The following ADAMTS7 variants were observed in gnomAD, a reference collection of about 807,000 sequenced individuals.
The protein encoded by ADAMTS7 is A disintegrin and metalloproteinase with thrombospondin motifs 7.
ADAMTS7 carries 89 observed loss-of-function variants against 172.6 expected under a neutral mutation model. That is an observed-to-expected ratio of 0.52 (90% CI 0.43 to 0.61). The LOEUF (loss-of-function observed/expected upper bound fraction) is 0.61, where lower values mean the gene tolerates loss of function less well. ADAMTS7 is among the 20% of genes least tolerant of loss of function. The pLI is 0.00. For missense variants in ADAMTS7, 1,973 were observed against 2,355.6 expected, an observed-to-expected ratio of 0.84 and a Z score of 3.36; for synonymous variants, 885 against 978.4, an observed-to-expected ratio of 0.90 and a Z score of 1.78.
At chr15:78,773,978 A>T (rs2055295737) in intron 13 of ADAMTS7, among the ~76,000 whole-genome samples, 189 bp downstream of exon 13, 1 of 152,164 alleles carries the variant, frequency 6.6e-6, no homozygotes, top group Non-Finnish European at 1.5e-5. Context: ...CATAGAGGGT[A>T]CGGGCTGGGA....
intron 2 of ADAMTS7, among the ~76,000 whole-genome samples, chr15:78,798,473 C>T (rs1404930151): frequency 6.6e-6 from 1 of 152,228 alleles, no homozygotes; most frequent in African/African-American, 2.4e-5. Context: ...GCAGCTTGTG[C>T]CCAGGCCTCC....
Position 78,811,190 on chromosome 15 carries a change from C to G in ADAMTS7, c.31G>C (p.Ala11Pro). 1 of 1,229,342 alleles carries G rather than the reference C, an allele frequency of 8.1e-7. No individual in the cohort carries two copies. The highest frequency in any genetic ancestry group is 1.0e-6 in the Non-Finnish European group (1 of 986,372). 76.2% of individuals were successfully genotyped at this position (1,229,342 alleles called of 1,614,324 possible). A position where few individuals can be genotyped will look rare whatever the true frequency, so the allele number is the denominator to read the frequency against. Residue 11 changes from alanine (A) to proline (P), a missense_variant, in exon 1 of 24, where the codon GCG becomes CCG. Physicochemically the swap from Ala to Pro is conservative, Grantham distance 27. This residue lies in a region of ADAMTS7 where 306 missense variants were observed against 288.0 expected (regional missense o/e 1.06). Coordinates refer to ENST00000388820, the MANE Select transcript of ADAMTS7 (RefSeq NM_014272.5). ...AGGAGGAGGGGGCGCAGCAAAGGCG[C>G]GGGGCTGCGGGGACTGGGGCCGCCG... MPGGPSPRSP[A>P]PLLRPLLLLL...
chr15:78,784,477 A>C (rs1394410113), intron 8 of ADAMTS7, among the ~76,000 whole-genome samples: 4 of 152,244 alleles, frequency 2.6e-5, no homozygotes, highest in East Asian at 3.9e-4. Flanking sequence ...AAATTGTAAA[A>C]TGTTTAAAAA....
At chr15:78,759,635 G>A (rs1413098516) in intron 23 of ADAMTS7, 57 bp from the exon 24 acceptor site, 2 of 1,479,628 alleles carry the variant, frequency 1.4e-6, no homozygotes, top group Admixed American at 2.2e-5. Context: ...CCCAGAACCT[G>A]GCTCCCTACG....
chr15:78,801,776 C>G (rs914802212), intron 1 of ADAMTS7, among the ~76,000 whole-genome samples: 1 of 152,096 alleles, frequency 6.6e-6, no homozygotes, highest in Non-Finnish European at 1.5e-5. Flanking sequence ...CTCCTGAGCT[C>G]GAGCCATCCT....
intron 16 of ADAMTS7, among the ~76,000 whole-genome samples, chr15:78,770,196 A>AAATAT (rs2055224401): frequency 6.6e-6 from 1 of 151,626 alleles, no homozygotes; most frequent in Admixed American, 6.6e-5. Context: ...AAATAAAATA[A>AAATAT]AATAAAATAG....
Position 78,766,776 on chromosome 15 carries a change from A to G in ADAMTS7, c.3135T>C (p.Ile1045=). The G allele has an allele frequency of 1.2e-6, 2 of 1,610,538 alleles. No individual in the cohort carries two copies. Among genetic ancestry groups the G allele is most frequent in the Non-Finnish European group, 1.7e-6 (2 of 1,179,824 alleles). Residue 1045 remains isoleucine, a synonymous_variant, in exon 19 of 24, where the codon ATT becomes ATC. Coordinates refer to ENST00000388820, the MANE Select transcript of ADAMTS7 (RefSeq NM_014272.5). ...GGTCCAGCTCTGGAGCCTCCTCCTC[A>G]ATGGCGTTGCCCATGGTGCCTGGCT... ...SPKPGTMGNA[I]EEEAPELDLP...
chr15:78,799,901 C>T lies in ADAMTS7; in HGVS notation c.456+291G>A, dbSNP rs114897452. Among the ~76,000 whole-genome samples, 1,208 of 151,830 alleles carry T rather than the reference C, an allele frequency of 8.0e-3. 13 individuals carry two copies. The highest frequency in any genetic ancestry group is 0.027 in the African/African-American group (1,124 of 41,376). On this transcript the variant is annotated intron_variant, in intron 2 of 23. Transcript: ENST00000388820. ...CGCCAGCTAAGCGCAATCACCACACCCTACATCCTTGAATTCCTGGGCTCA... is the reference window on the plus strand; with the variant it reads ...CGCCAGCTAAGCGCAATCACCACACTCTACATCCTTGAATTCCTGGGCTCA...
intron 10 of ADAMTS7, 192 bp downstream of exon 10, chr15:78,776,557 C>T (rs749306311): frequency 4.9e-6 from 4 of 814,560 alleles, no homozygotes; most frequent in Non-Finnish European, 5.7e-6. Flanking sequence ...CTGAAGACAC[C>T]CTGGGGAATC....
chr15:78,775,618 C>T (rs544714112), intron 11 of ADAMTS7, among the ~76,000 whole-genome samples: 2 of 152,234 alleles, frequency 1.3e-5, no homozygotes, highest in East Asian at 3.9e-4. Context: ...CGTCAGGCCA[C>T]CCCTTCAGTG....
chr15:78,808,987 C>T (rs755510534), intron 1 of ADAMTS7, among the ~76,000 whole-genome samples: 3 of 152,204 alleles, frequency 2.0e-5, no homozygotes, highest in Admixed American at 6.5e-5. Flanking sequence ...CTATCAAGAA[C>T]CTGAGTTACA....
chr15:78,786,666 G>A (rs1377363587), intron 8 of ADAMTS7, among the ~76,000 whole-genome samples: 4 of 152,156 alleles, frequency 2.6e-5, no homozygotes, highest in African/African-American at 9.7e-5. Flanking sequence ...AGAAAAGGTA[G>A]ACAGCCTGGG....
At chr15:78,780,357 A>G (rs2055412231) in intron 8 of ADAMTS7, among the ~76,000 whole-genome samples, 1 of 152,174 alleles carries the variant, frequency 6.6e-6, no homozygotes, top group Non-Finnish European at 1.5e-5. Flanking sequence ...TGCCACTGAC[A>G]GGAGAGACCT....
intron 11 of ADAMTS7, among the ~76,000 whole-genome samples, chr15:78,775,053 C>T (rs1174951481): frequency 3.3e-5 from 5 of 152,204 alleles, no homozygotes; most frequent in Admixed American, 2.0e-4. Flanking sequence ...GGCAAGTCTT[C>T]GGCCACCCTC....
In ADAMTS7 at chr15:78,777,492, C is replaced by T; in HGVS notation, c.1419G>A (p.Gln473=). 1 of 1,612,956 alleles carries T rather than the reference C, an allele frequency of 6.2e-7. No homozygotes were observed. Among genetic ancestry groups the T allele is most frequent in the Non-Finnish European group, 8.5e-7 (1 of 1,179,600 alleles). Residue 473 remains glutamine (Q), a synonymous_variant, in exon 9 of 24, where the codon CAG becomes CAA. Transcript: ENST00000388820. ...PPGVLYDVSH[Q]CRLQYGAYSA... ...AGTAGGCCCCGTACTGGAGGCGGCACTGGTGGCTTACATCATAGAGGACGC... is the reference window on the plus strand; with the variant it reads ...AGTAGGCCCCGTACTGGAGGCGGCATTGGTGGCTTACATCATAGAGGACGC...
intron 23 of ADAMTS7, chr15:78,762,138 C>T: frequency 2.1e-6 from 2 of 941,876 alleles, no homozygotes; most frequent in Non-Finnish European, 2.5e-6. Flanking sequence ...GGGGCCAGGG[C>T]CACTCCCTCT....
At chr15:78,781,658 A>G (rs35474770) in intron 8 of ADAMTS7, among the ~76,000 whole-genome samples, 51,102 of 151,972 alleles carry the variant, frequency 0.34, 9,174 homozygotes, top group Middle Eastern at 0.44. Context: ...GCTGTTGGGC[A>G]GCACCCTGGG....
chr15:78,789,301 C>T (rs1448630253), intron 7 of ADAMTS7, among the ~76,000 whole-genome samples: 1 of 152,214 alleles, frequency 6.6e-6, no homozygotes, highest in Non-Finnish European at 1.5e-5. Flanking sequence ...CACACAGAGG[C>T]CCAGAGAGGG....
At position 78,771,061 on chromosome 15, in the gene ADAMTS7, C is replaced by T; in HGVS notation, c.2518+101G>A. On this transcript the variant is annotated intron_variant, in intron 16 of 23. Transcript: ENST00000388820. The surrounding 1 kb of genome is among the most constrained non-coding windows in gnomAD (Gnocchi z 4.9). ...ACTGAGGCTCAGAGAAGCAAACTTCCAAACCCGTGGTGGCCCAGCAGTGAG... is the reference window on the plus strand; with the variant it reads ...ACTGAGGCTCAGAGAAGCAAACTTCTAAACCCGTGGTGGCCCAGCAGTGAG... 1 of 1,440,910 alleles carries T rather than the reference C, an allele frequency of 6.9e-7. No homozygotes were observed. The allele number at this position is 1,440,910 out of a possible 1,614,324, so 89.3% of individuals were successfully genotyped here.
Sources: allele counts gnomAD v4.1 joint callset (sites outside exome capture counted in the v4.1 genomes callset), GRCh38; gene constraint gnomAD v4.1.1; regional missense constraint gnomAD v4.1.1; non-coding constraint Gnocchi (gnomAD v3.1); transcripts MANE v1.5; gene names NCBI Gene and HGNC (gene_info 2026-07-23, HGNC 2026-07-21).